Variants in EBF3 observed in about 807,000 individuals in gnomAD.
The protein encoded by EBF3 is transcription factor COE3.
Under a neutral mutation model 77.1 loss-of-function variants are expected in EBF3, and 18 were observed. The observed-to-expected ratio is 0.23, with a 90% CI of 0.16 to 0.35. The LOEUF (loss-of-function observed/expected upper bound fraction) is 0.35. Ranked by LOEUF, EBF3 falls within the 10% of genes least tolerant of loss-of-function variation. EBF3 has a pLI of 1.00. For missense variants in EBF3, 558 were observed against 860.0 expected, an observed-to-expected ratio of 0.65 and a Z score of 4.39; for synonymous variants, 350 against 343.5, an observed-to-expected ratio of 1.02 and a Z score of -0.21.
intron 9 of EBF3, 22 bp from the exon 10 acceptor site, chr10:129,867,289 C>A: frequency 6.2e-7 from 1 of 1,613,504 alleles, no homozygotes; most frequent in Non-Finnish European, 8.5e-7. Flanking sequence ...ACACGGTGAA[C>A]AGGCGCTCAG....
At chr10:129,958,850 G>T in intron 5 of EBF3, 84 bp downstream of exon 5, 1 of 1,460,472 alleles carries the variant, frequency 6.8e-7, no homozygotes, top group African/African-American at 1.5e-5. Flanking sequence ...GGGCGGGGTG[G>T]CGGCGCCTGG....
At position 129,877,852 on chromosome 10, in the gene EBF3, A is replaced by G. The variant is rs1852902094; in HGVS notation, c.555-3T>C. The G allele has an allele frequency of 1.2e-6, 2 of 1,606,722 alleles. No individual in the cohort carries two copies. The highest frequency in any genetic ancestry group is 2.7e-5 in the African/African-American group (2 of 74,680). On this transcript the variant is annotated splice_region_variant and splice_polypyrimidine_tract_variant and intron_variant, in intron 6 of 16. Coordinates refer to ENST00000440978, the MANE Select transcript of EBF3 (RefSeq NM_001375380.1). ...TGAGGAAAAACTTTAGAAAGAATCTATAAAAAATACAAAAAGATGATATTT... is the reference window on the plus strand; with the variant it reads ...TGAGGAAAAACTTTAGAAAGAATCTGTAAAAAATACAAAAAGATGATATTT...
intron 6 of EBF3, among the ~76,000 whole-genome samples, chr10:129,892,861 G>A (rs1854118261): frequency 1.3e-5 from 2 of 152,194 alleles, no homozygotes; most frequent in Admixed American, 6.5e-5. Context: ...GCACTTGAAC[G>A]TCGCCATCAA....
At chr10:129,926,741 C>A (rs745814243) in intron 6 of EBF3, among the ~76,000 whole-genome samples, 3 of 152,118 alleles carry the variant, frequency 2.0e-5, no homozygotes, top group African/African-American at 4.8e-5. Context: ...CTCCAGGAAA[C>A]GAGGATGCCC....
intron 6 of EBF3, among the ~76,000 whole-genome samples, chr10:129,878,660 T>TAAAAA (rs1249993202): frequency 5.7e-5 from 3 of 53,054 alleles, no homozygotes; most frequent in African/African-American, 1.7e-4. Flanking sequence ...AGGCTCTGTC[T>TAAAAA]CAAAAAAAAA....
Position 129,885,886 on chromosome 10 carries a change from G to C in EBF3, c.555-8037C>G, listed in dbSNP as rs1049149429. 3.3e-5 allele frequency among the ~76,000 whole-genome samples: 5 copies of C among 152,140 alleles called. No individual in the cohort carries two copies. The highest frequency in any genetic ancestry group is 5.9e-5 in the Non-Finnish European group (4 of 68,028). ...AAGTGCCTATGCTTATCCCAACTTA[G>C]GGTTTCAAGCCTCTCCCACCATACG... is the stretch of plus-strand genomic sequence containing the variant. On this transcript the variant is annotated intron_variant, in intron 6 of 16. Transcript: ENST00000440978. The surrounding 1 kb of genome is among the most constrained non-coding windows in gnomAD (Gnocchi z 4.0).
At chr10:129,881,454 C>T (rs527704058) in intron 6 of EBF3, among the ~76,000 whole-genome samples, 20 of 152,310 alleles carry the variant, frequency 1.3e-4, no homozygotes, top group Middle Eastern at 3.4e-3. Flanking sequence ...GAGGGGAAGA[C>T]AGCAGCTCGA....
chr10:129,896,634 G>T (rs940557756), intron 6 of EBF3, among the ~76,000 whole-genome samples: 1 of 152,222 alleles, frequency 6.6e-6, no homozygotes, highest in Admixed American at 6.5e-5. Flanking sequence ...CGGAGGCGGT[G>T]CACCGTGCAG....
intron 6 of EBF3, among the ~76,000 whole-genome samples, chr10:129,949,966 T>A (rs1202172761): frequency 6.8e-6 from 1 of 147,662 alleles, no homozygotes; most frequent in Non-Finnish European, 1.5e-5. Context: ...TGCTTTCTGC[T>A]GAGAGGGACA....
chr10:129,949,937 AT>A (rs1858530937), intron 6 of EBF3, among the ~76,000 whole-genome samples: 1 of 150,918 alleles, frequency 6.6e-6, no homozygotes, highest in Non-Finnish European at 1.5e-5. Flanking sequence ...GTGCTTTAAC[AT>A]GGCACCCTGC....
At chr10:129,929,973 G>A (rs1856898332) in intron 6 of EBF3, among the ~76,000 whole-genome samples, 1 of 152,184 alleles carries the variant, frequency 6.6e-6, no homozygotes, top group South Asian at 2.1e-4. Context: ...CCTCAATGTG[G>A]GTGGGTGCCA....
intron 4 of EBF3, among the ~76,000 whole-genome samples, chr10:129,960,667 T>C (rs991765645): frequency 1.5e-4 from 21 of 142,092 alleles, no homozygotes; most frequent in Non-Finnish European, 2.9e-4. Context: ...TGCCCGTCAG[T>C]GAGAGGAGAT....
At chr10:129,852,285 CTAAA>C (rs1850938042) in intron 10 of EBF3, among the ~76,000 whole-genome samples, 1 of 152,212 alleles carries the variant, frequency 6.6e-6, no homozygotes, top group East Asian at 1.9e-4. Flanking sequence ...AAGAAGCATT[CTAAA>C]TATTTAAGTC....
At chr10:129,946,014 C>CAA (rs551660356) in intron 6 of EBF3, among the ~76,000 whole-genome samples, 3 of 104,992 alleles carry the variant, frequency 2.9e-5, no homozygotes, top group African/African-American at 1.1e-4. Flanking sequence ...TATTTCCTTC[C>CAA]AAAAAAAAAA....
chr10:129,912,281 T>G (rs1855579604), intron 6 of EBF3, among the ~76,000 whole-genome samples: 1 of 152,296 alleles, frequency 6.6e-6, no homozygotes, highest in South Asian at 2.1e-4. Flanking sequence ...ATCAACAGTG[T>G]GGAATTTACA....
At chr10:129,900,105 C>A in intron 6 of EBF3, among the ~76,000 whole-genome samples, 1 of 152,156 alleles carries the variant, frequency 6.6e-6, no homozygotes, top group Non-Finnish European at 1.5e-5. Flanking sequence ...CCGGTGTTTC[C>A]ATGTTCATGC....
chr10:129,895,822 A>C (rs765893790), intron 6 of EBF3, among the ~76,000 whole-genome samples: 34 of 152,232 alleles, frequency 2.2e-4, no homozygotes, highest in Non-Finnish European at 4.0e-4. Flanking sequence ...TAGTTAAAAA[A>C]ATCCAGCTGA....
intron 6 of EBF3, among the ~76,000 whole-genome samples, chr10:129,900,241 G>A: frequency 6.6e-6 from 1 of 152,294 alleles, no homozygotes; most frequent in African/African-American, 2.4e-5. Context: ...CATCCAAACA[G>A]TGTCAGATGA....
chr10:129,957,388 A>AT (rs36101167), intron 5 of EBF3, 62 bp from the exon 6 acceptor site: 334,185 of 1,132,240 alleles, frequency 0.3, 11,993 homozygotes, highest in South Asian at 0.4. Flanking sequence ...CCCGACTTGT[A>AT]TTTTTTTTTT....
Sources: allele counts gnomAD v4.1 joint callset (sites outside exome capture counted in the v4.1 genomes callset), GRCh38; gene constraint gnomAD v4.1.1; non-coding constraint Gnocchi (gnomAD v3.1); transcripts MANE v1.5; gene names NCBI Gene and HGNC (gene_info 2026-07-23, HGNC 2026-07-21).